Variants in PTPRU observed in about 807,000 individuals in gnomAD.
PTPRU encodes the protein receptor-type tyrosine-protein phosphatase U.
PTPRU carries 69 observed loss-of-function variants against 166.3 expected under a neutral mutation model. The observed-to-expected ratio is 0.41, with a 90% CI of 0.34 to 0.51. The LOEUF (loss-of-function observed/expected upper bound fraction) is 0.51. Among genes scored for constraint, PTPRU ranks in the 20% least tolerant of loss-of-function variants. PTPRU has a pLI of 0.09. For synonymous variants in PTPRU, 793 were observed against 814.0 expected (o/e 0.97, Z 0.44); for missense variants, 1,657 against 2,013.7 (o/e 0.82, Z 3.39).
intron 22 of PTPRU, among the ~76,000 whole-genome samples, chr1:29,314,902 C>G (rs1386737898): frequency 6.6e-6 from 1 of 152,124 alleles, no homozygotes; most frequent in Admixed American, 6.5e-5. Flanking sequence ...TAATAAAAAC[C>G]TGCCCACGTT....
intron 15 of PTPRU, among the ~76,000 whole-genome samples, chr1:29,297,565 ATG>A (rs947595624): frequency 4.3e-4 from 65 of 152,346 alleles, no homozygotes; most frequent in African/African-American, 1.4e-3. Flanking sequence ...AGGAAAGGGC[ATG>A]TGTAGAGGAG....
At chr1:29,306,681 T>TG (rs1687405175) in intron 18 of PTPRU, among the ~76,000 whole-genome samples, 1 of 152,216 alleles carries the variant, frequency 6.6e-6, no homozygotes, top group Admixed American at 6.5e-5. Context: ...AGCAAAGGCC[T>TG]GGGGGGCCAG....
At chr1:29,321,815 G>T (rs1372310581) in intron 26 of PTPRU, among the ~76,000 whole-genome samples, 1 of 152,216 alleles carries the variant, frequency 6.6e-6, no homozygotes, top group Non-Finnish European at 1.5e-5. Context: ...AGATGATGAG[G>T]GTGACAGTTG....
At position 29,279,959 on chromosome 1, in the gene PTPRU, C is replaced by T; in HGVS notation, c.1766-80C>T. On this transcript the variant is annotated intron_variant, in intron 10 of 29. Transcript: ENST00000373779. This position sits in a 1 kb window ranked among gnomAD's most constrained non-coding sequence, Gnocchi z 5.2. ...GGCTGAAGTAGGGGAGATCTGAGGA[C>T]TGTGGTCAAGGAGGCTGGAAGCCTG... 7.2e-7 allele frequency: 1 copy of T among 1,395,382 alleles called. No homozygotes were observed. Among genetic ancestry groups the T allele is most frequent in the Admixed American group, 1.8e-5 (1 of 54,612 alleles). The allele number at this position is 1,395,382 out of a possible 1,614,324, so 86.4% of individuals were successfully genotyped here.
Position 29,291,610 on chromosome 1 carries a change from C to T in PTPRU, c.2319-259C>T, listed in dbSNP as rs573143161. Among the ~76,000 whole-genome samples the T allele has an allele frequency of 2.0e-5, 3 of 152,308 alleles. No individual in the cohort carries two copies. Among genetic ancestry groups the T allele is most frequent in the Admixed American group, 2.0e-4 (3 of 15,302 alleles). On this transcript the variant is annotated intron_variant, in intron 14 of 29. Coordinates refer to ENST00000373779, the MANE Select transcript of PTPRU (RefSeq NM_133178.4). The surrounding 1 kb of genome is among the most constrained non-coding windows in gnomAD (Gnocchi z 4.1). ...TGAAACTTAGGAGTGAGATCCCAGC[C>T]TGAAGCCACTGCTGCTCCACCCCTT... is the stretch of plus-strand genomic sequence containing the variant.
chr1:29,322,475 G>A (rs1688201473), intron 26 of PTPRU, among the ~76,000 whole-genome samples: 2 of 152,174 alleles, frequency 1.3e-5, no homozygotes, highest in South Asian at 4.1e-4. Flanking sequence ...AGATGTGTGG[G>A]AAGGGCAGAA....
chr1:29,236,522 A>G lies in PTPRU; in HGVS notation c.-123A>G. 2.8e-6 allele frequency: 2 copies of G among 719,946 alleles called. No homozygotes were observed. The highest frequency in any genetic ancestry group is 3.6e-6 in the Non-Finnish European group (2 of 561,940). 44.6% of individuals were successfully genotyped at this position (719,946 alleles called of 1,614,324 possible). A position where few individuals can be genotyped will look rare whatever the true frequency, so the allele number is the denominator to read the frequency against. ...CGGCTCGCGCTCTGGACTCGGCGCC[A>G]GTCCCGCTCCGCGCCGCGCCGCTCC... On this transcript the variant is annotated 5_prime_UTR_variant, in exon 1 of 30. Transcript: ENST00000373779. This position sits in a 1 kb window ranked among gnomAD's most constrained non-coding sequence, Gnocchi z 4.6.
At position 29,258,015 on chromosome 1, in the gene PTPRU, A is replaced by G. The variant is rs564563118; in HGVS notation, c.206-490A>G. On this transcript the variant is annotated intron_variant, in intron 2 of 29. Transcript: ENST00000373779. ...AGTCTTGCTCTGTCACCCAGGCTGG[A>G]GTGCAGTGGCGTGATCTTGGCTCAC... Among the ~76,000 whole-genome samples, 262 of 151,958 alleles carry G rather than the reference A, an allele frequency of 1.7e-3. 3 individuals carry two copies. Among genetic ancestry groups the G allele is most frequent in the African/African-American group, 6.2e-3 (255 of 41,424 alleles).
At chr1:29,322,375 A>G (rs544032622) in intron 26 of PTPRU, among the ~76,000 whole-genome samples, 2 of 152,346 alleles carry the variant, frequency 1.3e-5, no homozygotes, top group South Asian at 4.1e-4. Flanking sequence ...ACAGAGGGAA[A>G]AGAGCTATGA....
At position 29,260,403 on chromosome 1, in the gene PTPRU, G is replaced by C. The variant is rs1260887862; in HGVS notation, c.851-207G>C. The stretch of plus-strand genomic sequence containing the variant: ...AGAGAGGGGTTGTGGGCTGATGGGC[G>C]AGGGCGGGGTCAGCCTTTGGAGCCA... On this transcript the variant is annotated intron_variant, in intron 6 of 29. Transcript: ENST00000373779. This position sits in a 1 kb window ranked among gnomAD's most constrained non-coding sequence, Gnocchi z 8.3. 2.0e-6 allele frequency: 1 copy of C among 496,414 alleles called. No individual in the cohort carries two copies. The highest frequency in any genetic ancestry group is 3.5e-5 in the East Asian group (1 of 28,762). 30.8% of individuals were successfully genotyped at this position (496,414 alleles called of 1,614,324 possible).
Position 29,320,584 on chromosome 1 carries a change from C to G in PTPRU, c.3688-101C>G. The G allele has an allele frequency of 7.4e-7, 1 of 1,346,504 alleles. No homozygotes were observed. The highest frequency in any genetic ancestry group is 1.7e-5 in the South Asian group (1 of 59,314). The allele number at this position is 1,346,504 out of a possible 1,614,324, so 83.4% of individuals were successfully genotyped here. A position where few individuals can be genotyped will look rare whatever the true frequency, so the allele number is the denominator to read the frequency against. ...GCCTGGTCCTGTGGGGCACAACCGT[C>G]CAACTCAGGGTGGGCAGTGCGGGAA... is the stretch of plus-strand genomic sequence containing the variant. On this transcript the variant is annotated intron_variant, in intron 25 of 29. Coordinates refer to ENST00000373779, the MANE Select transcript of PTPRU (RefSeq NM_133178.4). The surrounding 1 kb of genome is among the most constrained non-coding windows in gnomAD (Gnocchi z 5.2).
chr1:29,264,439 C>T (rs1337426344), intron 7 of PTPRU, among the ~76,000 whole-genome samples: 1 of 151,764 alleles, frequency 6.6e-6, no homozygotes, highest in African/African-American at 2.4e-5. Flanking sequence ...TCAGCTATTA[C>T]ATTCAGGTCT....
At position 29,238,890 on chromosome 1, in the gene PTPRU, C is replaced by T. The variant is rs75584830; in HGVS notation, c.73+2173C>T. 0.013 allele frequency among the ~76,000 whole-genome samples: 1,999 copies of T among 152,310 alleles called. 52 individuals carry two copies. The highest frequency in any genetic ancestry group is 0.044 in the African/African-American group (1,835 of 41,560). ...GGAGTGAGGCCTAGAGCAGGTTACT[C>T]CCATTCTTGATGCCTCAGTTTCCTC... On this transcript the variant is annotated intron_variant, in intron 1 of 29. Coordinates refer to ENST00000373779, the MANE Select transcript of PTPRU (RefSeq NM_133178.4). The surrounding 1 kb of genome is among the most constrained non-coding windows in gnomAD (Gnocchi z 6.1).
In PTPRU at chr1:29,317,848, C is replaced by A. The variant is rs1687973106; in HGVS notation, c.3614C>A (p.Pro1205His). Residue 1205 changes from proline (P) to histidine (H), a missense_variant, in exon 25 of 30, where the codon CCC becomes CAC. Physicochemically the swap from Pro to His is moderately conservative, Grantham distance 77 (BLOSUM62 -2). Coordinates refer to ENST00000373779, the MANE Select transcript of PTPRU (RefSeq NM_133178.4). The surrounding 1 kb of genome is among the most constrained non-coding windows in gnomAD (Gnocchi z 5.6). ...AACCGCAGCATGGACGTCCTGCCGC[C>A]CGACCGCTGCCTGCCCTTCCTCATC... ...DKNRSMDVLP[P>H]DRCLPFLIST... is the part of the protein sequence containing the mutation. The A allele has an allele frequency of 6.2e-7, 1 of 1,613,966 alleles. No homozygotes were observed. The highest frequency in any genetic ancestry group is 8.5e-7 in the Non-Finnish European group (1 of 1,180,032).
chr1:29,303,117 A>G (rs536056677), intron 15 of PTPRU, among the ~76,000 whole-genome samples: 1 of 152,354 alleles, frequency 6.6e-6, no homozygotes, highest in Admixed American at 6.5e-5. Context: ...CATAAGTATT[A>G]AATGAGTGAG....
chr1:29,320,598 G>A lies in PTPRU; in HGVS notation c.3688-87G>A. On this transcript the variant is annotated intron_variant, in intron 25 of 29. Transcript: ENST00000373779. This position sits in a 1 kb window ranked among gnomAD's most constrained non-coding sequence, Gnocchi z 5.2. Reference sequence around the variant, plus strand: ...GGCACAACCGTCCAACTCAGGGTGGGCAGTGCGGGAAGACAGCCTGGGGCA... The same window carrying A: ...GGCACAACCGTCCAACTCAGGGTGGACAGTGCGGGAAGACAGCCTGGGGCA... 10 of 1,395,578 alleles carry A rather than the reference G, an allele frequency of 7.2e-6. No homozygotes were observed. The highest frequency in any genetic ancestry group is 9.5e-6 in the Non-Finnish European group (10 of 1,048,890). The allele number at this position is 1,395,578 out of a possible 1,614,324, so 86.4% of individuals were successfully genotyped here.
At position 29,298,335 on chromosome 1, in the gene PTPRU, C is replaced by G. The variant is rs534045657; in HGVS notation, c.2477-5520C>G. Among the ~76,000 whole-genome samples the G allele has an allele frequency of 5.9e-5, 9 of 152,090 alleles. No individual in the cohort carries two copies. In the South Asian group the frequency reaches 1.9e-3, roughly 32 times the overall value. ...GAGCTGAGCTGTGCCTCAGCACATT[C>G]TCTCTCTTTATTCTTCTCTGCCCTC... On this transcript the variant is annotated intron_variant, in intron 15 of 29. Transcript: ENST00000373779.
At position 29,237,703 on chromosome 1, in the gene PTPRU, TTTG is replaced by T. The variant is rs985261614; in HGVS notation, c.73+992_73+994del. ...CCGCCGCCTCGGGCATGTCGGACTG[TTTG>T]TTGTTTCGCAAGTTCCGCGCGGCGC... On this transcript the variant is annotated intron_variant, in intron 1 of 29. Transcript: ENST00000373779. The surrounding 1 kb of genome is among the most constrained non-coding windows in gnomAD (Gnocchi z 6.4). Among the ~76,000 whole-genome samples the T allele has an allele frequency of 1.3e-5, 2 of 150,094 alleles. No individual in the cohort carries two copies. The highest frequency in any genetic ancestry group is 2.4e-5 in the African/African-American group (1 of 40,924).
At chr1:29,293,942 C>T (rs868751688) in intron 15 of PTPRU, among the ~76,000 whole-genome samples, 2 of 152,320 alleles carry the variant, frequency 1.3e-5, no homozygotes, top group Non-Finnish European at 2.9e-5. Context: ...TTCTCTGATG[C>T]GTAGTTTCCC....
Sources: allele counts gnomAD v4.1 joint callset (sites outside exome capture counted in the v4.1 genomes callset), GRCh38; gene constraint gnomAD v4.1.1; non-coding constraint Gnocchi (gnomAD v3.1); transcripts MANE v1.5; gene names NCBI Gene and HGNC (gene_info 2026-07-23, HGNC 2026-07-21).